TBPL1: variants seen among roughly 807,000 people sequenced by gnomAD.
TBPL1 encodes the protein TATA-box binding protein like 1, also known as TATA box-binding protein-like 1.
In TBPL1, 4 loss-of-function variants were observed where a neutral mutation model predicts 22.1. The ratio of observed to expected loss-of-function variants is 0.18; its 90% CI spans 0.09 to 0.41. The LOEUF is 0.41. Ranked by LOEUF, TBPL1 falls within the 10% of genes least tolerant of loss-of-function variation. TBPL1 has a pLI of 1.00. For synonymous variants in TBPL1, 64 were observed against 71.0 expected (o/e 0.90, Z 0.50); for missense variants, 115 against 222.3 (o/e 0.52, Z 3.07).
At chr6:133,981,184 G>A (rs1027134024) in intron 2 of TBPL1, among the ~76,000 whole-genome samples, 5 of 152,056 alleles carry the variant, frequency 3.3e-5, no homozygotes, top group African/African-American at 4.8e-5. Context: ...TGTTGGCCAG[G>A]ATGGTCTCAA....
At chr6:133,955,209 C>A (rs1175560308) in intron 1 of TBPL1, among the ~76,000 whole-genome samples, 1 of 149,454 alleles carries the variant, frequency 6.7e-6, no homozygotes, top group African/African-American at 2.5e-5. Context: ...CTCAGGGCTG[C>A]CATCAGACTC....
intron 1 of TBPL1, among the ~76,000 whole-genome samples, chr6:133,966,570 T>G (rs1776122585): frequency 6.6e-6 from 1 of 152,214 alleles, no homozygotes; most frequent in Admixed American, 6.5e-5. Context: ...TATCTCCTCT[T>G]GGATGTCTCA....
intron 1 of TBPL1, among the ~76,000 whole-genome samples, chr6:133,979,020 C>T (rs1776363358): frequency 6.6e-6 from 1 of 152,106 alleles, no homozygotes; most frequent in East Asian, 1.9e-4. Flanking sequence ...TCATGAGTCA[C>T]GTACTTAGTA....
intron 1 of TBPL1, among the ~76,000 whole-genome samples, chr6:133,977,768 C>G (rs1426443415): frequency 6.8e-6 from 1 of 148,050 alleles, no homozygotes; most frequent in East Asian, 1.9e-4. Context: ...TAAGGAGATT[C>G]ACAGCGTCAG....
At chr6:133,971,500 A>G (rs910414921) in intron 1 of TBPL1, among the ~76,000 whole-genome samples, 3 of 152,296 alleles carry the variant, frequency 2.0e-5, no homozygotes, top group East Asian at 1.9e-4. Context: ...ACTGTTTTCT[A>G]TAATGGCTAT....
In TBPL1 at chr6:133,987,736, A is replaced by G. The variant is rs973936677; in HGVS notation, c.*696A>G. On this transcript the variant is annotated 3_prime_UTR_variant, in exon 7 of 7. Coordinates refer to ENST00000237264, the MANE Select transcript of TBPL1 (RefSeq NM_004865.4). Reference sequence around the variant, plus strand: ...AACAAATAGGAATTTTTTTTCTTGCAGATTAGAAATAAAAACGTGTATATA... The same window carrying G: ...AACAAATAGGAATTTTTTTTCTTGCGGATTAGAAATAAAAACGTGTATATA... The G allele has an allele frequency of 7.9e-5, 12 of 152,022 alleles. No individual in the cohort carries two copies. Among genetic ancestry groups the G allele is most frequent in the Non-Finnish European group, 1.3e-4 (9 of 67,908 alleles). 9.4% of individuals were successfully genotyped at this position (152,022 alleles called of 1,614,324 possible).
intron 1 of TBPL1, among the ~76,000 whole-genome samples, chr6:133,979,716 G>A (rs537626905): frequency 9.8e-4 from 149 of 151,792 alleles, no homozygotes; most frequent in Middle Eastern, 6.8e-3. Flanking sequence ...GTACGATCTC[G>A]GCTCACTGCA....
chr6:133,953,093 G>A (rs955859003), upstream of TBPL1: 1 of 152,190 alleles, frequency 6.6e-6, no homozygotes, highest in African/African-American at 2.4e-5. Context: ...GACGGGAGCA[G>A]TGAGAGCCGG....
At chr6:133,957,060 A>T (rs995350858) in intron 1 of TBPL1, among the ~76,000 whole-genome samples, 2 of 152,210 alleles carry the variant, frequency 1.3e-5, no homozygotes, top group African/African-American at 4.8e-5. Flanking sequence ...GAATCAGGTC[A>T]CATCAGAAAT....
chr6:133,980,636 A>G (rs1776392995), intron 2 of TBPL1, among the ~76,000 whole-genome samples: 1 of 151,610 alleles, frequency 6.6e-6, no homozygotes, highest in African/African-American at 2.4e-5. Context: ...TTTAATTGTC[A>G]TATTCTTTAA....
chr6:133,980,817 T>G (rs1336048844), intron 2 of TBPL1, among the ~76,000 whole-genome samples: 8 of 151,774 alleles, frequency 5.3e-5, no homozygotes, highest in Admixed American at 3.9e-4. Flanking sequence ...ATAAAAGACA[T>G]TGGATGTCAT....
intron 6 of TBPL1, 67 bp downstream of exon 6, chr6:133,984,738 G>T: frequency 7.5e-7 from 1 of 1,333,880 alleles, no homozygotes; most frequent in Non-Finnish European, 1.1e-6. Flanking sequence ...CTCATACCAA[G>T]ATAGAAATAA....
intron 1 of TBPL1, among the ~76,000 whole-genome samples, chr6:133,962,533 G>A (rs938205085): frequency 1.3e-5 from 2 of 152,226 alleles, no homozygotes; most frequent in African/African-American, 4.8e-5. Context: ...AGAATTACAA[G>A]GAGATAGAGC....
chr6:133,977,247 C>T (rs976393688), intron 1 of TBPL1, among the ~76,000 whole-genome samples: 2 of 152,024 alleles, frequency 1.3e-5, no homozygotes, highest in Admixed American at 6.5e-5. Context: ...CTTATTAAAG[C>T]AATCTTTTCT....
At position 133,980,137 on chromosome 6, in the gene TBPL1, C is replaced by A. The variant is rs779160911; in HGVS notation, c.12C>A (p.Asp4Glu). The A allele has an allele frequency of 1.3e-6, 2 of 1,562,982 alleles. No homozygotes were observed. The highest frequency in any genetic ancestry group is 2.5e-5 in the South Asian group (2 of 81,114). The change falls in exon 2 of 7, where the codon GAC becomes GAA. Residue 4 changes from aspartate to glutamate, a missense_variant. Transcript: ENST00000237264. ...TTAAAACCACCCCAATGGATGCAGA[C>A]AGTGATGTTGCATTGGACATTCTAA... The part of the protein sequence containing the change: MDA[D>E]SDVALDILIT...
At chr6:133,977,040 T>A (rs1421598355) in intron 1 of TBPL1, among the ~76,000 whole-genome samples, 3 of 152,102 alleles carry the variant, frequency 2.0e-5, no homozygotes, top group Non-Finnish European at 4.4e-5. Flanking sequence ...AATTATCCTA[T>A]TGAAAAGGGA....
chr6:133,959,360 T>G (rs1775981600), intron 1 of TBPL1, among the ~76,000 whole-genome samples: 1 of 151,898 alleles, frequency 6.6e-6, no homozygotes, highest in Non-Finnish European at 1.5e-5. Flanking sequence ...GTTAGGAAAT[T>G]TTTAGGAAAA....
chr6:133,954,945 A>G (rs905104334), intron 1 of TBPL1, among the ~76,000 whole-genome samples: 1 of 152,186 alleles, frequency 6.6e-6, no homozygotes, highest in South Asian at 2.1e-4. Flanking sequence ...TATGGAATTG[A>G]GGTCCAGTGT....
intron 2 of TBPL1, among the ~76,000 whole-genome samples, chr6:133,981,117 T>G (rs530309021): frequency 6.6e-6 from 1 of 152,008 alleles, no homozygotes; most frequent in South Asian, 2.1e-4. Context: ...GGATTACAGG[T>G]GCACACCACC....
Sources: gnomAD v4.1 joint callset for allele counts (sites outside exome capture counted in the v4.1 genomes callset) on GRCh38, gnomAD v4.1.1 for gene constraint, MANE v1.5 for transcripts, NCBI Gene and HGNC (gene_info 2026-07-23, HGNC 2026-07-21) for gene names.